LAMA2: variants seen among roughly 807,000 people sequenced by gnomAD.
LAMA2 encodes the protein laminin subunit alpha-2.
LAMA2 carries 269 observed loss-of-function variants against 364.8 expected under a neutral mutation model. The ratio of observed to expected loss-of-function variants is 0.74; its 90% CI spans 0.67 to 0.82. The LOEUF (loss-of-function observed/expected upper bound fraction) is 0.82. LAMA2 is among the 40% of genes least tolerant of loss of function. The pLI is 0.00. For synonymous variants in LAMA2, 1,379 were observed against 1,370.6 expected (o/e 1.01, Z -0.14); for missense variants, 3,807 against 3,873.2 (o/e 0.98, Z 0.45).
At chr6:128,909,310 C>A (rs928912006) in intron 1 of LAMA2, among the ~76,000 whole-genome samples, 1 of 152,010 alleles carries the variant, frequency 6.6e-6, no homozygotes, top group African/African-American at 2.4e-5. Flanking sequence ...CTTTATGAAT[C>A]TGGGTGCTCC....
chr6:129,128,895 A>T (rs971236889), intron 4 of LAMA2, among the ~76,000 whole-genome samples: 2 of 152,238 alleles, frequency 1.3e-5, no homozygotes, highest in African/African-American at 4.8e-5. Flanking sequence ...TAAGTGAAAT[A>T]CAAAGATTTG....
intron 56 of LAMA2, among the ~76,000 whole-genome samples, chr6:129,489,259 A>G (rs766946786): frequency 5.3e-5 from 8 of 152,176 alleles, no homozygotes; most frequent in Non-Finnish European, 8.8e-5. Context: ...TCACAAAATA[A>G]TTGGATTTTC....
intron 20 of LAMA2, chr6:129,292,980 G>C (rs1428749598): frequency 1.0e-6 from 1 of 985,770 alleles, no homozygotes; most frequent in African/African-American, 1.7e-5. Flanking sequence ...GCCGCGGAGA[G>C]CGCAACGGGT....
At chr6:129,075,010 A>G (rs1773537830) in intron 3 of LAMA2, among the ~76,000 whole-genome samples, 1 of 152,212 alleles carries the variant, frequency 6.6e-6, no homozygotes, top group Admixed American at 6.5e-5. Context: ...CTGTCCATGA[A>G]GGAGACAGGA....
chr6:129,224,157 A>G (rs1225700580), intron 12 of LAMA2, among the ~76,000 whole-genome samples: 3 of 151,958 alleles, frequency 2.0e-5, no homozygotes, highest in African/African-American at 7.2e-5. Flanking sequence ...GTCTGTTGTT[A>G]GTGTATAAGA....
Position 128,914,064 on chromosome 6 carries a change from AT to A in LAMA2, c.112+30714del, listed in dbSNP as rs561701082. Among the ~76,000 whole-genome samples the A allele has an allele frequency of 1.8e-4, 28 of 152,248 alleles. No individual in the cohort carries two copies. The South Asian group carries it at 5.2e-3, about 28-fold the overall frequency. ...AAGAGGCAAGCTAACTCCCTTATCCATTTTTTTCCTCAAGGTTATTAACAGA... is the reference window on the plus strand; with the variant it reads ...AAGAGGCAAGCTAACTCCCTTATCCATTTTTTCCTCAAGGTTATTAACAGA... On this transcript the variant is annotated intron_variant, in intron 1 of 64. Coordinates refer to ENST00000421865, the MANE Select transcript of LAMA2 (RefSeq NM_000426.4).
chr6:129,385,829 C>T (rs1470258595), intron 35 of LAMA2, among the ~76,000 whole-genome samples: 1 of 152,096 alleles, frequency 6.6e-6, no homozygotes, highest in Non-Finnish European at 1.5e-5. Flanking sequence ...CAGAGTATTA[C>T]TTTCTATTCT....
At chr6:128,973,696 G>A (rs1782343166) in intron 1 of LAMA2, among the ~76,000 whole-genome samples, 2 of 152,148 alleles carry the variant, frequency 1.3e-5, no homozygotes, top group Non-Finnish European at 2.9e-5. Context: ...GGAAAGAGGA[G>A]GTGGGTGGAG....
chr6:129,393,409 G>T (rs1779432497), intron 37 of LAMA2, among the ~76,000 whole-genome samples, 154 bp downstream of exon 37: 1 of 152,080 alleles, frequency 6.6e-6, no homozygotes, highest in Non-Finnish European at 1.5e-5. Flanking sequence ...AACAAGAAAT[G>T]ACTTTTTTTT....
At position 129,050,055 on chromosome 6, in the gene LAMA2, C is replaced by G. The variant is rs868019991; in HGVS notation, c.250C>G (p.Arg84Gly). 5 of 1,613,936 alleles carry G rather than the reference C, an allele frequency of 3.1e-6. No individual in the cohort carries two copies. In the South Asian group the frequency reaches 5.5e-5, roughly 18 times the overall value. ...GCAGCCTGTGAGGAACCCGCAGTGT[C>G]GAATCTGCAATCAAAACAGCAGCAA... is the stretch of plus-strand genomic sequence containing the variant. Reference protein sequence around the residue: ...PGQPVRNPQCRICNQNSSNPN... With the variant: ...PGQPVRNPQCGICNQNSSNPN... The change falls in exon 2 of 65, where the codon CGA becomes GGA. Residue 84 changes from arginine (R) to glycine (G), a missense_variant. Coordinates refer to ENST00000421865, the MANE Select transcript of LAMA2 (RefSeq NM_000426.4).
At chr6:129,439,533 A>C (rs1222785952) in intron 42 of LAMA2, among the ~76,000 whole-genome samples, 2 of 152,056 alleles carry the variant, frequency 1.3e-5, no homozygotes, top group East Asian at 3.9e-4. Flanking sequence ...CTCTTGATAA[A>C]ATTCAATTTC....
chr6:128,981,355 G>C (rs1248787373), intron 1 of LAMA2, among the ~76,000 whole-genome samples: 3 of 152,066 alleles, frequency 2.0e-5, no homozygotes, highest in Non-Finnish European at 4.4e-5. Flanking sequence ...CCTGAGAGTT[G>C]GATCTACTTC....
chr6:128,919,815 C>T (rs2114482460), intron 1 of LAMA2, among the ~76,000 whole-genome samples: 1 of 152,314 alleles, frequency 6.6e-6, no homozygotes, highest in South Asian at 2.1e-4. Context: ...TGTAGCCGTA[C>T]ATCCCAGTTA....
chr6:128,962,583 G>A (rs1424014946), intron 1 of LAMA2, among the ~76,000 whole-genome samples: 2 of 152,090 alleles, frequency 1.3e-5, no homozygotes, highest in Non-Finnish European at 2.9e-5. Flanking sequence ...TTAGAAGTTA[G>A]GTAGTACCTT....
At chr6:129,035,194 G>A (rs1786533172) in intron 1 of LAMA2, among the ~76,000 whole-genome samples, 2 of 151,466 alleles carry the variant, frequency 1.3e-5, no homozygotes, top group Non-Finnish European at 2.9e-5. Flanking sequence ...GTATGACTTG[G>A]TATCTCATTG....
intron 15 of LAMA2, 39 bp downstream of exon 15, chr6:129,260,861 TC>T: frequency 8.4e-7 from 1 of 1,183,894 alleles, no homozygotes. Context: ...CTTTCAAAGT[TC>T]CCTCAACATT....
chr6:128,964,738 TA>T (rs1781734988), intron 1 of LAMA2, among the ~76,000 whole-genome samples: 1 of 152,066 alleles, frequency 6.6e-6, no homozygotes, highest in South Asian at 2.1e-4. Flanking sequence ...CATCTTTATT[TA>T]AGCTTAGGAA....
rs200796753 is a variant in LAMA2 at position 129,516,318 on chromosome 6, G to T, written c.9340G>T (p.Val3114Phe). ...NFAKALELRG[V>F]QPVSCPAN ...TGCCAAGGCCCTGGAACTGAGGGGC[G>T]TTCAACCTGTATCATGCCCAGCCAA... is the stretch of plus-strand genomic sequence containing the variant. The change falls in exon 65 of 65, where the codon GTT becomes TTT. Residue 3114 changes from valine to phenylalanine, a missense_variant. Val to Phe is a conservative substitution (Grantham distance 50). This residue lies in a region of LAMA2 where 3,333 missense variants were observed against 3,345.7 expected (regional missense o/e 1.00). Transcript: ENST00000421865. The T allele has an allele frequency of 1.6e-5, 26 of 1,614,088 alleles. No homozygotes were observed. The East Asian group carries it at 5.3e-4, about 33-fold the overall frequency.
Position 129,402,278 on chromosome 6 carries a change from A to C in LAMA2, c.5563-46A>C, listed in dbSNP as rs749950528. ...CATAGAGAAATTAGTAAAAGAGAGG[A>C]GGCTTGAATTCACTTGCTTAAAATG... is the stretch of plus-strand genomic sequence containing the variant. On this transcript the variant is annotated intron_variant, in intron 38 of 64. Transcript: ENST00000421865. The C allele has an allele frequency of 1.2e-5, 17 of 1,439,116 alleles. No homozygotes were observed. In the South Asian group the frequency reaches 1.8e-4, roughly 16 times the overall value. The allele number at this position is 1,439,116 out of a possible 1,614,324, so 89.1% of individuals were successfully genotyped here.
Sources: allele counts gnomAD v4.1 joint callset (sites outside exome capture counted in the v4.1 genomes callset), GRCh38; gene constraint gnomAD v4.1.1; regional missense constraint gnomAD v4.1.1; transcripts MANE v1.5; gene names NCBI Gene and HGNC (gene_info 2026-07-23, HGNC 2026-07-21).